Variants in TUBGCP6 observed in about 807,000 individuals in gnomAD.
TUBGCP6 encodes the protein tubulin gamma complex component 6.
A neutral mutation model predicts 175.8 loss-of-function variants in TUBGCP6; 161 were observed. The observed-to-expected ratio is 0.92, with a 90% CI of 0.81 to 1.04. TUBGCP6 has a LOEUF of 1.04. Among genes scored for constraint, TUBGCP6 ranks in the 50% least tolerant of loss-of-function variants. The pLI is 0.00. For missense variants in TUBGCP6, 2,572 were observed against 2,433.0 expected, an observed-to-expected ratio of 1.06 and a Z score of -1.20; for synonymous variants, 1,173 against 1,030.5, an observed-to-expected ratio of 1.14 and a Z score of -2.65.
rs1458224555 is a variant in TUBGCP6, at chr22:50,244,249, G to C, written c.211C>G (p.Leu71Val). The stretch of plus-strand genomic sequence containing the variant: ...ACTCTCAAGTCAAAGGACAACATGA[G>C]GATCTTGTTTCTCGCTGGTAGTTTT... ...MSKLPARNKI[L>V]MLSFDLRVGG... The change falls in exon 1 of 25, where the codon CTC becomes GTC. Residue 71 changes from leucine to valine, a missense_variant. Coordinates refer to ENST00000248846, the MANE Select transcript of TUBGCP6 (RefSeq NM_020461.4). 1 of 1,613,546 alleles carries C rather than the reference G, an allele frequency of 6.2e-7. No individual in the cohort carries two copies. Among genetic ancestry groups the C allele is most frequent in the South Asian group, 1.1e-5 (1 of 91,088 alleles).
At chr22:50,234,919 C>G (rs1234985582) in intron 2 of TUBGCP6, among the ~76,000 whole-genome samples, 5 of 150,868 alleles carry the variant, frequency 3.3e-5, no homozygotes, top group Non-Finnish European at 7.4e-5. Context: ...GCAGCATCCA[C>G]ACCCAGGTCC....
Position 50,224,183 on chromosome 22 carries a change from C to G in TUBGCP6, c.2228G>C (p.Arg743Thr). The G allele has an allele frequency of 6.2e-7, 1 of 1,614,144 alleles. No homozygotes were observed. Among genetic ancestry groups the G allele is most frequent in the Non-Finnish European group, 8.5e-7 (1 of 1,180,034 alleles). Reference sequence around the variant, plus strand: ...CTCCTCCTCCAGGGACTTCAGCCTTCTCTCCCTGTCTCGGAGTTCACGGGC... The same window carrying G: ...CTCCTCCTCCAGGGACTTCAGCCTTGTCTCCCTGTCTCGGAGTTCACGGGC... ...SYARELRDRE[R>T]RLKSLEEELE... The change falls in exon 13 of 25, where the codon AGA becomes ACA. Residue 743 changes from arginine to threonine, a missense_variant. By Grantham distance (71) the Arg-to-Thr change is moderately conservative. Transcript: ENST00000248846.
intron 2 of TUBGCP6, among the ~76,000 whole-genome samples, chr22:50,235,421 C>T (rs189792671): frequency 5.2e-4 from 70 of 135,718 alleles, no homozygotes; most frequent in African/African-American, 1.7e-3. Context: ...ACAGACCGTC[C>T]GTGCAGACCC....
At chr22:50,226,018 C>G in intron 9 of TUBGCP6, 32 bp downstream of exon 9, 2 of 1,613,800 alleles carry the variant, frequency 1.2e-6, no homozygotes, top group Non-Finnish European at 1.7e-6. Flanking sequence ...AAGACCGGCC[C>G]CTCTCTTCCC....
rs1394175405 is a variant in TUBGCP6, at chr22:50,219,388, G to C, written c.4384C>G (p.Gln1462Glu). 6.3e-7 allele frequency: 1 copy of C among 1,575,698 alleles called. No homozygotes were observed. The highest frequency in any genetic ancestry group is 1.7e-4 in the Middle Eastern group (1 of 6,010). ...GTCTCATCAGCGGCAGACTGGACCT[G>C]GGGGTCCACGGGGAAGGCGAAGGCC... Reference protein sequence around the residue: ...PRAFAFPVDPQVQSAADETAV... With the variant: ...PRAFAFPVDPEVQSAADETAV... Residue 1462 changes from glutamine to glutamate, a missense_variant, in exon 19 of 25, where the codon CAG becomes GAG. Transcript: ENST00000248846.
intron 18 of TUBGCP6, 46 bp from the exon 19 acceptor site, chr22:50,219,502 G>C (rs1288828672): frequency 6.3e-7 from 1 of 1,593,868 alleles, no homozygotes; most frequent in Non-Finnish European, 8.5e-7. Context: ...GCCAGCCCAG[G>C]GCTCCGCCCC....
chr22:50,226,693 G>T, intron 7 of TUBGCP6, 40 bp downstream of exon 7: 1 of 1,500,002 alleles, frequency 6.7e-7, no homozygotes. Flanking sequence ...CTGCCTGGTG[G>T]GAGTGCGCGC....
At chr22:50,224,620 A>G (rs1256464810) in intron 10 of TUBGCP6, 28 bp from the exon 11 acceptor site, 3 of 1,610,984 alleles carry the variant, frequency 1.9e-6, no homozygotes, top group Non-Finnish European at 2.5e-6. Flanking sequence ...TAATCAAAGC[A>G]TCCTGGCCGG....
At position 50,218,125 on chromosome 22, in the gene TUBGCP6, G is replaced by T. The variant is rs376828922; in HGVS notation, c.5169-8C>A. 106 of 1,611,424 alleles carry T rather than the reference G, an allele frequency of 6.6e-5. No individual in the cohort carries two copies. Among genetic ancestry groups the T allele is most frequent in the Non-Finnish European group, 8.6e-5 (101 of 1,179,316 alleles). ...TTCTCCGTGAGCAGGCCCCTGGGGG[G>T]AAGCAGTGCTGCTGGGTGGGCTGAG... On this transcript the variant is annotated splice_region_variant and splice_polypyrimidine_tract_variant and intron_variant, in intron 23 of 24. Transcript: ENST00000248846.
At position 50,243,702 on chromosome 22, in the gene TUBGCP6, A is replaced by C. The variant is rs2064877610; in HGVS notation, c.741+17T>G. The C allele has an allele frequency of 1.3e-6, 2 of 1,582,584 alleles. No homozygotes were observed. The highest frequency in any genetic ancestry group is 1.7e-6 in the Non-Finnish European group (2 of 1,161,250). ...AAACCCCGAGAGAGATGAAAGAGGA[A>C]AAACTAAACATTCTACCTTAATAGC... On this transcript the variant is annotated intron_variant, in intron 1 of 24. Coordinates refer to ENST00000248846, the MANE Select transcript of TUBGCP6 (RefSeq NM_020461.4).
At position 50,220,452 on chromosome 22, in the gene TUBGCP6, G is replaced by A. The variant is rs1444906763; in HGVS notation, c.3907C>T (p.Gln1303Ter). Residue 1303 changes from glutamine (Q) to a stop codon, truncating the protein, a stop_gained, in exon 16 of 25, where the codon CAG becomes TAG. Transcript: ENST00000248846. LOFTEE classifies it high-confidence loss of function. ...TGTGCTCCCAGGCTGAGCGCTGACT[G>A]GGACGTGTGGCCAGGGGGGCTCTGT... ...PQQSPPGHTS[Q>*]SALSLGAQST... The A allele has an allele frequency of 1.2e-6, 2 of 1,612,584 alleles. No individual in the cohort carries two copies. Among genetic ancestry groups the A allele is most frequent in the African/African-American group, 1.3e-5 (1 of 74,930 alleles).
chr22:50,241,197 C>A (rs756920701), intron 1 of TUBGCP6, among the ~76,000 whole-genome samples: 1 of 152,156 alleles, frequency 6.6e-6, no homozygotes, highest in African/African-American at 2.4e-5. Context: ...CCAGGCCATA[C>A]AGAGACAGGA....
intron 8 of TUBGCP6, 24 bp from the exon 9 acceptor site, chr22:50,226,213 T>A (rs1187989601): frequency 1.2e-6 from 2 of 1,614,062 alleles, no homozygotes; most frequent in Admixed American, 3.3e-5. Context: ...AACACCACGG[T>A]GGCCGGCATG....
intron 1 of TUBGCP6, among the ~76,000 whole-genome samples, chr22:50,241,338 C>T (rs749342044): frequency 8.5e-5 from 13 of 152,106 alleles, no homozygotes; most frequent in Non-Finnish European, 1.6e-4. Flanking sequence ...CATTACCTAG[C>T]GGACCTTGGT....
rs6010214 is a variant in TUBGCP6 at position 50,238,825 on chromosome 22, T to C, written c.905+1379A>G. ...GGCCAGTTTTTAAACGTGTGAGGGA[T>C]TGGCAGAGAGCAGGACCATGAGATT... is the stretch of plus-strand genomic sequence containing the variant. On this transcript the variant is annotated intron_variant, in intron 2 of 24. Transcript: ENST00000248846. Among the ~76,000 whole-genome samples, 744 of 152,258 alleles carry C rather than the reference T, an allele frequency of 4.9e-3. 9 individuals are homozygous for C. Among genetic ancestry groups the C allele is most frequent in the African/African-American group, 0.017 (711 of 41,560 alleles).
chr22:50,218,987 G>C, intron 20 of TUBGCP6, 81 bp downstream of exon 20: 1 of 1,593,238 alleles, frequency 6.3e-7, no homozygotes, highest in Non-Finnish European at 8.5e-7. Flanking sequence ...AGAGCAGCAG[G>C]GGGCTGTGGG....
At chr22:50,237,019 G>A (rs1006062057) in intron 2 of TUBGCP6, among the ~76,000 whole-genome samples, 25 of 152,156 alleles carry the variant, frequency 1.6e-4, no homozygotes, top group Admixed American at 1.4e-3. Context: ...AACACCCCCC[G>A]CCCCAACAGG....
In TUBGCP6 at chr22:50,222,596, A is replaced by G. The variant is rs2064547296; in HGVS notation, c.2271-4T>C. The G allele has an allele frequency of 6.2e-7, 1 of 1,610,364 alleles. No individual in the cohort carries two copies. Among genetic ancestry groups the G allele is most frequent in the African/African-American group, 1.3e-5 (1 of 74,890 alleles). ...GTAGTGGTCGACCAGTGCCTGCCTGAAGCCACACACCAGAGAGGACACGGC... is the reference window on the plus strand; with the variant it reads ...GTAGTGGTCGACCAGTGCCTGCCTGGAGCCACACACCAGAGAGGACACGGC... On this transcript the variant is annotated splice_region_variant and splice_polypyrimidine_tract_variant and intron_variant, in intron 13 of 24. Coordinates refer to ENST00000248846, the MANE Select transcript of TUBGCP6 (RefSeq NM_020461.4).
intron 4 of TUBGCP6, 30 bp downstream of exon 4, chr22:50,229,374 T>A: frequency 6.2e-7 from 1 of 1,607,408 alleles, no homozygotes. Context: ...CTCACAAAGG[T>A]GTGTGACAAC....
Sources: allele counts gnomAD v4.1 joint callset (sites outside exome capture counted in the v4.1 genomes callset), GRCh38; gene constraint gnomAD v4.1.1; transcripts MANE v1.5; gene names NCBI Gene and HGNC (gene_info 2026-07-23, HGNC 2026-07-21).